CHRM3: variants seen among roughly 807,000 people sequenced by gnomAD.
CHRM3 encodes the protein muscarinic acetylcholine receptor M3.
CHRM3 carries 11 observed loss-of-function variants against 41.8 expected under a neutral mutation model. The observed-to-expected ratio is 0.26, with a 90% CI of 0.17 to 0.44. The LOEUF is 0.44. Among genes scored for constraint, CHRM3 ranks in the 20% least tolerant of loss-of-function variants. The pLI, the probability that CHRM3 is intolerant of heterozygous loss-of-function variation, is 1.00. For synonymous variants in CHRM3, 297 were observed against 301.4 expected, an observed-to-expected ratio of 0.99 and a Z score of 0.15; for missense variants, 571 against 745.4, an observed-to-expected ratio of 0.77 and a Z score of 2.72.
intron 5 of CHRM3, chr1:239,827,025 G>C (rs1445609725): frequency 1.3e-5 from 2 of 152,140 alleles, no homozygotes; most frequent in Non-Finnish European, 2.9e-5. Flanking sequence ...AGCAAGAGTG[G>C]CACGCTGCAA....
At chr1:239,482,821 A>G (rs1666945173) in intron 1 of CHRM3, among the ~76,000 whole-genome samples, 1 of 152,210 alleles carries the variant, frequency 6.6e-6, no homozygotes, top group Admixed American at 6.5e-5. Flanking sequence ...TATTTGTCAA[A>G]TGATTGAATG....
At chr1:239,710,712 T>C (rs1661687192) in intron 5 of CHRM3, among the ~76,000 whole-genome samples, 1 of 152,112 alleles carries the variant, frequency 6.6e-6, no homozygotes, top group Admixed American at 6.5e-5. Flanking sequence ...ATTTTTTTCT[T>C]ATATCTCAAT....
chr1:239,436,821 G>A (rs1350814962), intron 1 of CHRM3, among the ~76,000 whole-genome samples: 1 of 151,816 alleles, frequency 6.6e-6, no homozygotes. Flanking sequence ...CTTTTCCCCA[G>A]CACCCTTCCC....
At chr1:239,551,202 G>T (rs1447074731) in intron 3 of CHRM3, among the ~76,000 whole-genome samples, 3 of 107,186 alleles carry the variant, frequency 2.8e-5, no homozygotes, top group Non-Finnish European at 5.1e-5. Context: ...CACTCCTGTT[G>T]CCCAGGCCAG....
chr1:239,863,997 A>T (rs1292467441), intron 6 of CHRM3, among the ~76,000 whole-genome samples: 1 of 152,134 alleles, frequency 6.6e-6, no homozygotes, highest in Non-Finnish European at 1.5e-5. Context: ...AATGTACTAA[A>T]AGACCTTAGA....
chr1:239,641,743 T>C (rs1671180855), intron 4 of CHRM3, among the ~76,000 whole-genome samples: 1 of 137,896 alleles, frequency 7.3e-6, no homozygotes, highest in Non-Finnish European at 1.6e-5. Context: ...TGTCTTTTAA[T>C]TGGAGCATTT....
At chr1:239,569,873 G>C (rs2148529660) in intron 3 of CHRM3, among the ~76,000 whole-genome samples, 1 of 152,272 alleles carries the variant, frequency 6.6e-6, no homozygotes, top group African/African-American at 2.4e-5. Flanking sequence ...TGAATTTTAA[G>C]ATGATGTCTG....
At chr1:239,512,971 A>G (rs961952017) in intron 2 of CHRM3, among the ~76,000 whole-genome samples, 1 of 152,166 alleles carries the variant, frequency 6.6e-6, no homozygotes, top group African/African-American at 2.4e-5. Context: ...CCAGGCATGC[A>G]TTTGAGAGAT....
At chr1:239,466,464 TA>T (rs1665739357) in intron 1 of CHRM3, among the ~76,000 whole-genome samples, 1 of 152,128 alleles carries the variant, frequency 6.6e-6, no homozygotes, top group Non-Finnish European at 1.5e-5. Context: ...TGGTTAACAA[TA>T]AACAATAGTT....
At chr1:239,503,367 G>GGTT (rs1668366363) in intron 2 of CHRM3, among the ~76,000 whole-genome samples, 1 of 151,962 alleles carries the variant, frequency 6.6e-6, no homozygotes, top group African/African-American at 2.4e-5. Flanking sequence ...GGAGGTGAAA[G>GGTT]ACCTCTACAA....
intron 4 of CHRM3, among the ~76,000 whole-genome samples, chr1:239,635,424 T>C (rs528471136): frequency 6.6e-6 from 1 of 152,336 alleles, no homozygotes; most frequent in South Asian, 2.1e-4. Context: ...CTCCCTGTCT[T>C]TATTTATTGA....
chr1:239,398,042 T>A (rs567375700), intron 1 of CHRM3, among the ~76,000 whole-genome samples: 1 of 152,164 alleles, frequency 6.6e-6, no homozygotes, highest in South Asian at 2.1e-4. Flanking sequence ...AATAGTTCTG[T>A]TGTGGAACTC....
chr1:239,469,402 C>T (rs1030366634), intron 1 of CHRM3, among the ~76,000 whole-genome samples: 2 of 152,190 alleles, frequency 1.3e-5, no homozygotes, highest in Non-Finnish European at 2.9e-5. Flanking sequence ...ATCCTCAGTA[C>T]CTGGCACGTA....
chr1:239,907,964 G>A lies in CHRM3; in HGVS notation c.513G>A (p.Thr171=), dbSNP rs777700262. 5.6e-6 allele frequency: 9 copies of A among 1,614,138 alleles called. No homozygotes were observed. Among genetic ancestry groups the A allele is most frequent in the East Asian group, 4.5e-5 (2 of 44,876 alleles). The part of the protein sequence containing the change: ...VISFDRYFSI[T]RPLTYRAKRT... ...GCTTTGACAGATACTTTTCCATCAC[G>A]AGGCCGCTCACGTACCGAGCCAAAC... The change falls in exon 7 of 7, where the codon ACG becomes ACA. Residue 171 remains threonine (T), a synonymous_variant. Transcript: ENST00000676153. The surrounding 1 kb of genome is among the most constrained non-coding windows in gnomAD (Gnocchi z 5.4).
At chr1:239,467,455 C>A (rs534205931) in intron 1 of CHRM3, among the ~76,000 whole-genome samples, 26 of 152,224 alleles carry the variant, frequency 1.7e-4, no homozygotes, top group Non-Finnish European at 3.5e-4. Context: ...GCACATGCCA[C>A]CACGCCAGGC....
At chr1:239,460,122 G>A (rs555914759) in intron 1 of CHRM3, among the ~76,000 whole-genome samples, 2 of 152,252 alleles carry the variant, frequency 1.3e-5, no homozygotes, top group East Asian at 3.9e-4. Flanking sequence ...CTCCAGAACA[G>A]GTTCTGAAGA....
intron 2 of CHRM3, among the ~76,000 whole-genome samples, chr1:239,535,371 G>A (rs1322361745): frequency 6.6e-6 from 1 of 151,470 alleles, no homozygotes; most frequent in Non-Finnish European, 1.5e-5. Flanking sequence ...TCTCCAAAGG[G>A]AGAATTCACT....
intron 5 of CHRM3, among the ~76,000 whole-genome samples, chr1:239,779,515 C>G (rs1335315852): frequency 6.6e-6 from 1 of 152,232 alleles, no homozygotes; most frequent in African/African-American, 2.4e-5. Context: ...AGGTGGATCA[C>G]TTGAGGCCGG....
At chr1:239,554,754 G>A (rs1476015902) in intron 3 of CHRM3, among the ~76,000 whole-genome samples, 1 of 141,492 alleles carries the variant, frequency 7.1e-6, no homozygotes, top group East Asian at 2.1e-4. Context: ...TTTTTAGATG[G>A]AGTCTCACTC....
Sources: allele counts gnomAD v4.1 joint callset (sites outside exome capture counted in the v4.1 genomes callset), GRCh38; gene constraint gnomAD v4.1.1; non-coding constraint Gnocchi (gnomAD v3.1); transcripts MANE v1.5; gene names NCBI Gene and HGNC (gene_info 2026-07-23, HGNC 2026-07-21).